KCNIP3: variants seen among roughly 807,000 people sequenced by gnomAD.
The protein encoded by KCNIP3 is calsenilin.
A neutral mutation model predicts 35.0 loss-of-function variants in KCNIP3; 28 were observed. The ratio of observed to expected loss-of-function variants is 0.80; its 90% CI spans 0.59 to 1.10. The LOEUF (loss-of-function observed/expected upper bound fraction) is 1.10, where lower values mean the gene tolerates loss of function less well. KCNIP3 is among the 50% of genes least tolerant of loss of function. The probability of loss-of-function intolerance (pLI) is 0.00; values close to 1 mark genes in which losing one functional copy is unlikely to be tolerated. For missense variants in KCNIP3, 295 were observed against 338.4 expected (o/e 0.87, Z 1.01); for synonymous variants, 134 against 133.8 (o/e 1.00, Z -0.01).
intron 5 of KCNIP3, among the ~76,000 whole-genome samples, chr2:95,381,028 C>A (rs1389435411): frequency 6.6e-6 from 1 of 152,190 alleles, no homozygotes; most frequent in East Asian, 1.9e-4. Flanking sequence ...AGCTGAGCAT[C>A]ATTCCTCTAG....
chr2:95,309,969 C>T (rs1678269225), intron 1 of KCNIP3, among the ~76,000 whole-genome samples: 1 of 152,218 alleles, frequency 6.6e-6, no homozygotes, highest in African/African-American at 2.4e-5. Flanking sequence ...TGTACAGATC[C>T]ACTTGCCTCT....
At chr2:95,349,767 C>T (rs1213189235) in intron 2 of KCNIP3, among the ~76,000 whole-genome samples, 2 of 152,254 alleles carry the variant, frequency 1.3e-5, no homozygotes, top group Non-Finnish European at 2.9e-5. Context: ...TCCTCCTTCC[C>T]TGGTGACCTA....
intron 2 of KCNIP3, among the ~76,000 whole-genome samples, chr2:95,323,679 CT>C (rs1416189526): frequency 6.6e-6 from 1 of 152,190 alleles, no homozygotes; most frequent in East Asian, 1.9e-4. Context: ...GCACCAGGAT[CT>C]GGCATCCCCG....
chr2:95,365,896 T>C (rs1679905426), intron 2 of KCNIP3, among the ~76,000 whole-genome samples: 1 of 152,248 alleles, frequency 6.6e-6, no homozygotes, highest in African/African-American at 2.4e-5. Context: ...TCTAGTTCTA[T>C]GAATCTCGAT....
At chr2:95,321,660 G>T (rs1241067780) in intron 2 of KCNIP3, among the ~76,000 whole-genome samples, 1 of 152,156 alleles carries the variant, frequency 6.6e-6, no homozygotes, top group Admixed American at 6.5e-5. Flanking sequence ...AGAGAAACAC[G>T]GGGCTCTTTA....
At chr2:95,350,331 C>CA (rs2104271686) in intron 2 of KCNIP3, among the ~76,000 whole-genome samples, 1 of 152,288 alleles carries the variant, frequency 6.6e-6, no homozygotes, top group African/African-American at 2.4e-5. Flanking sequence ...GTTTCTTTAT[C>CA]ATTAGTTTGT....
chr2:95,342,956 T>C (rs889307605), intron 2 of KCNIP3, among the ~76,000 whole-genome samples: 3 of 152,066 alleles, frequency 2.0e-5, no homozygotes, highest in African/African-American at 7.2e-5. Context: ...CCCCTGGTAG[T>C]TTCCAGTTGG....
intron 8 of KCNIP3, 147 bp downstream of exon 8, chr2:95,383,441 G>A (rs1452399922): frequency 5.0e-6 from 4 of 793,488 alleles, no homozygotes; most frequent in African/African-American, 3.4e-5. Context: ...GCCACCTCCT[G>A]GACAGCCCCA....
At chr2:95,310,580 G>C in intron 2 of KCNIP3, 60 bp downstream of exon 2, 2 of 1,598,212 alleles carry the variant, frequency 1.3e-6, no homozygotes, top group Admixed American at 1.7e-5. Flanking sequence ...TCTGAGCACT[G>C]TCCTTTCTGA....
chr2:95,304,595 G>A (rs1321340481), intron 1 of KCNIP3, among the ~76,000 whole-genome samples: 2 of 152,206 alleles, frequency 1.3e-5, no homozygotes, highest in Non-Finnish European at 2.9e-5. Context: ...ACAGGAGAAC[G>A]CATACCCCAG....
At chr2:95,374,819 AG>A (rs1680133144) in intron 3 of KCNIP3, 28 bp from the exon 4 acceptor site, 7 of 1,610,872 alleles carry the variant, frequency 4.3e-6, no homozygotes, top group Non-Finnish European at 5.1e-6. Context: ...GGGGTGGCCG[AG>A]GGCTGAGGGG....
intron 1 of KCNIP3, among the ~76,000 whole-genome samples, 188 bp downstream of exon 1, chr2:95,297,641 A>T (rs904287965): frequency 2.7e-5 from 4 of 149,698 alleles, no homozygotes; most frequent in Non-Finnish European, 5.9e-5. Flanking sequence ...CTGGTGTTGG[A>T]GTGTCCTGGC....
intron 1 of KCNIP3, 65 bp from the exon 2 acceptor site, chr2:95,310,290 G>C: frequency 6.3e-7 from 1 of 1,597,212 alleles, no homozygotes; most frequent in South Asian, 1.1e-5. Flanking sequence ...AGGGCAGCTC[G>C]GGACCATCCA....
intron 3 of KCNIP3, 119 bp downstream of exon 3, chr2:95,374,539 GA>G: frequency 7.6e-7 from 1 of 1,309,932 alleles, no homozygotes; most frequent in Non-Finnish European, 1.0e-6. Context: ...TGTGTTGTGG[GA>G]AAGCTGTGTG....
At chr2:95,348,183 C>T (rs903333026) in intron 2 of KCNIP3, among the ~76,000 whole-genome samples, 1 of 152,218 alleles carries the variant, frequency 6.6e-6, no homozygotes, top group Admixed American at 6.5e-5. Flanking sequence ...CGGGCTTGCT[C>T]CAAGTGGTTC....
At position 95,381,690 on chromosome 2, in the gene KCNIP3, A is replaced by C. The variant is rs151292265; in HGVS notation, c.542A>C (p.Tyr181Ser). 99 of 1,612,514 alleles carry C rather than the reference A, an allele frequency of 6.1e-5. No homozygotes were observed. The highest frequency in any genetic ancestry group is 7.7e-5 in the Non-Finnish European group (91 of 1,178,696). ...FNLYDINKDG[Y>S]ITKEEMLAIM... ...CTCTACGACATTAACAAGGATGGCT[A>C]CATCACCAAAGAGGTAGTAGGGGGC... Residue 181 changes from tyrosine to serine, a missense_variant, in exon 6 of 9, where the codon TAC (tyrosine) becomes TCC (serine). Transcript: ENST00000295225.
Position 95,333,157 on chromosome 2 carries a change from G to A in KCNIP3, c.181+22637G>A, listed in dbSNP as rs904335065. Among the ~76,000 whole-genome samples the A allele has an allele frequency of 1.8e-4, 27 of 152,264 alleles. No homozygotes were observed. In the South Asian group the frequency reaches 2.3e-3, roughly 13 times the overall value. On this transcript the variant is annotated intron_variant, in intron 2 of 8. Transcript: ENST00000295225. ...GTTATAGAGAAAACAAAAACCAAAC[G>A]AATGCTCCCTTGCTCTGAGGATAAA...
chr2:95,341,389 A>G (rs1221663076), intron 2 of KCNIP3, among the ~76,000 whole-genome samples: 1 of 152,186 alleles, frequency 6.6e-6, no homozygotes, highest in Non-Finnish European at 1.5e-5. Context: ...TTTTCTTTAT[A>G]AATTACCCAG....
chr2:95,359,434 G>A (rs868599647), intron 2 of KCNIP3, among the ~76,000 whole-genome samples: 1 of 152,126 alleles, frequency 6.6e-6, no homozygotes, highest in African/African-American at 2.4e-5. Context: ...CTTGAGACTC[G>A]GGAATAATGT....
Sources: allele counts gnomAD v4.1 joint callset (sites outside exome capture counted in the v4.1 genomes callset), GRCh38; gene constraint gnomAD v4.1.1; transcripts MANE v1.5; gene names NCBI Gene and HGNC (gene_info 2026-07-23, HGNC 2026-07-21).